NADK: variants seen among roughly 807,000 people sequenced by gnomAD.
NADK encodes the protein NAD kinase.
NADK carries 22 observed loss-of-function variants against 49.8 expected under a neutral mutation model. That is an observed-to-expected ratio of 0.44 (90% CI 0.32 to 0.63). The LOEUF (loss-of-function observed/expected upper bound fraction) is 0.63, where lower values mean the gene tolerates loss of function less well. NADK is among the 30% of genes least tolerant of loss of function. The pLI is 0.06. For missense variants in NADK, 438 were observed against 609.4 expected (o/e 0.72, Z 2.96); for synonymous variants, 268 against 253.7 (o/e 1.06, Z -0.54).
At chr1:1,755,502 A>G (rs779836297) in intron 6 of NADK, 26 bp from the exon 7 acceptor site, 2 of 1,582,292 alleles carry the variant, frequency 1.3e-6, no homozygotes, top group East Asian at 4.5e-5. Flanking sequence ...GAGGTCACTC[A>G]GTGCCCACGC....
At position 1,753,065 on chromosome 1, in the gene NADK, G is replaced by C; in HGVS notation, c.1185-5C>G. 1 of 1,606,726 alleles carries C rather than the reference G, an allele frequency of 6.2e-7. No homozygotes were observed. Among genetic ancestry groups the C allele is most frequent in the Admixed American group, 1.7e-5 (1 of 59,320 alleles). On this transcript the variant is annotated splice_polypyrimidine_tract_variant and splice_region_variant and intron_variant, in intron 11 of 11. Transcript: ENST00000341426. The stretch of plus-strand genomic sequence containing the variant: ...CATGAGGTAGTGATGCTGATGCTGG[G>C]ACGGGAGAGCAGCAGCCTGAGCCAG...
Position 1,752,801 on chromosome 1 carries a change from C to T in NADK, c.*103G>A. 1 of 1,360,884 alleles carries T rather than the reference C, an allele frequency of 7.3e-7. No individual in the cohort carries two copies. The highest frequency in any genetic ancestry group is 1.0e-6 in the Non-Finnish European group (1 of 988,874). 84.3% of individuals were successfully genotyped at this position (1,360,884 alleles called of 1,614,324 possible). A position where few individuals can be genotyped will look rare whatever the true frequency, so the allele number is the denominator to read the frequency against. On this transcript the variant is annotated 3_prime_UTR_variant, in exon 12 of 12. Coordinates refer to ENST00000341426, the MANE Select transcript of NADK (RefSeq NM_023018.5). ...TAACCCAGCTACAGAAAGGAAGTGGCCGTGCCACTGAGACAGGCGGTCACA... is the reference window on the plus strand; with the variant it reads ...TAACCCAGCTACAGAAAGGAAGTGGTCGTGCCACTGAGACAGGCGGTCACA...
intron 3 of NADK, chr1:1,759,951 G>A: frequency 6.5e-7 from 1 of 1,536,914 alleles, no homozygotes. Flanking sequence ...CGGGGGAGAG[G>A]CCCGGTGGGG....
At chr1:1,769,998 CAAAAACAAAAACA>C (rs1324049277) in intron 1 of NADK, among the ~76,000 whole-genome samples, 1 of 148,518 alleles carries the variant, frequency 6.7e-6, no homozygotes, top group Non-Finnish European at 1.5e-5. Flanking sequence ...AAAACAAAAA[CAAAAACAAAAACA>C]AAAAAATTAG....
chr1:1,766,037 G>A (rs762458938), intron 1 of NADK, among the ~76,000 whole-genome samples: 9 of 152,066 alleles, frequency 5.9e-5, no homozygotes, highest in Non-Finnish European at 1.2e-4. Context: ...GGAGGCTGGA[G>A]AGAAAGGATC....
chr1:1,757,146 G>GCCCCCCCCGCCCCCCTCCCCCCCCC, intron 4 of NADK, 35 bp downstream of exon 4: 1 of 1,524,056 alleles, frequency 6.6e-7, no homozygotes, highest in Non-Finnish European at 8.9e-7. Context: ...AACTCCATGT[G>GCCCCCCCCGCCCCCCTCCCCCCCCC]CACCCCAGGC....
Position 1,754,590 on chromosome 1 carries a change from G to T in NADK, c.797C>A (p.Ala266Asp). 6.2e-7 allele frequency: 1 copy of T among 1,613,568 alleles called. No homozygotes were observed. The highest frequency in any genetic ancestry group is 8.5e-7 in the Non-Finnish European group (1 of 1,179,848). ...CCCGACATCCATGTCCAGGCCTGCAGCCTGCGAGCCGTTCTCACCCAGCCC... is the reference window on the plus strand; with the variant it reads ...CCCGACATCCATGTCCAGGCCTGCATCCTGCGAGCCGTTCTCACCCAGCCC... ...HNGLGENGSQAAGLDMDVGKQ... is the reference protein window; with the variant it reads ...HNGLGENGSQDAGLDMDVGKQ... Residue 266 changes from alanine to aspartate, a missense_variant, in exon 8 of 12, where the codon GCT becomes GAT. Ala to Asp is a moderately radical substitution (Grantham distance 126, BLOSUM62 -2). Transcript: ENST00000341426. The surrounding 1 kb of genome is among the most constrained non-coding windows in gnomAD (Gnocchi z 4.3).
chr1:1,756,051 C>A (rs1645508998), intron 6 of NADK: 1 of 606,814 alleles, frequency 1.6e-6, no homozygotes, highest in Admixed American at 2.9e-5. Context: ...GCGCTGGCCA[C>A]CCCCAGCCGT....
rs761889720 is a variant in NADK, at chr1:1,762,043, G to C, written c.180-8C>G. ...TGAAGAGAGCGTGTCCTCCTGTGGG[G>C]AGAGGGCAGTGTCAGAGCCACCAGG... On this transcript the variant is annotated splice_region_variant and splice_polypyrimidine_tract_variant and intron_variant, in intron 2 of 11. Coordinates refer to ENST00000341426, the MANE Select transcript of NADK (RefSeq NM_023018.5). The C allele has an allele frequency of 9.3e-6, 15 of 1,613,522 alleles. No homozygotes were observed. The highest frequency in any genetic ancestry group is 1.3e-5 in the Non-Finnish European group (15 of 1,179,788).
chr1:1,759,775 G>C, intron 3 of NADK: 3 of 1,557,036 alleles, frequency 1.9e-6, no homozygotes, highest in Non-Finnish European at 2.6e-6. Flanking sequence ...GCAGCTCGGG[G>C]ACCACTGAGT....
chr1:1,757,366 G>A lies in NADK; in HGVS notation c.264-56C>T, dbSNP rs181153398. ...GCTGCGATCTCCCTCTTGCGGAAAA[G>A]GTGTATGACTTAGAAAATAAAAAAA... On this transcript the variant is annotated intron_variant, in intron 3 of 11. Coordinates refer to ENST00000341426, the MANE Select transcript of NADK (RefSeq NM_023018.5). 840 of 1,433,590 alleles carry A rather than the reference G, an allele frequency of 5.9e-4. 5 individuals carry two copies. The African/African-American group carries it at 0.011, about 18-fold the overall frequency. 88.8% of individuals were successfully genotyped at this position (1,433,590 alleles called of 1,614,324 possible). A position where few individuals can be genotyped will look rare whatever the true frequency, so the allele number is the denominator to read the frequency against.
At chr1:1,763,808 C>A (rs1316647461) in intron 2 of NADK, among the ~76,000 whole-genome samples, 8 of 152,038 alleles carry the variant, frequency 5.3e-5, no homozygotes, top group Admixed American at 5.2e-4. Context: ...ACCCTGAAGG[C>A]GCCTGTCACT....
intron 7 of NADK, among the ~76,000 whole-genome samples, chr1:1,755,164 C>G (rs1343860068): frequency 6.6e-6 from 1 of 152,216 alleles, no homozygotes; most frequent in East Asian, 1.9e-4. Flanking sequence ...CACTTCTGCC[C>G]AACACACATG....
At chr1:1,766,387 C>T (rs981942018) in intron 1 of NADK, among the ~76,000 whole-genome samples, 2 of 76,568 alleles carry the variant, frequency 2.6e-5, no homozygotes, top group African/African-American at 5.1e-5. Flanking sequence ...GCCTGGGCAA[C>T]AAGAACGAAA....
chr1:1,758,482 G>T (rs1645605195), intron 3 of NADK: 1 of 1,612,328 alleles, frequency 6.2e-7, no homozygotes, highest in African/African-American at 1.3e-5. Context: ...GAGCCGGCCA[G>T]TGTGTCCACA....
intron 2 of NADK, among the ~76,000 whole-genome samples, chr1:1,763,941 C>T (rs1390549908): frequency 1.3e-5 from 2 of 152,212 alleles, no homozygotes; most frequent in African/African-American, 2.4e-5. Flanking sequence ...ATTCTGTTCA[C>T]GCAGTCACTG....
chr1:1,773,676 TTGTGTGTGTGTG>T lies in NADK; in HGVS notation c.-41+4601_-41+4612del, dbSNP rs57063985. 9.1e-3 allele frequency among the ~76,000 whole-genome samples: 1,060 copies of T among 116,660 alleles called. 30 individuals are homozygous for T. The highest frequency in any genetic ancestry group is 0.021 in the African/African-American group (689 of 32,690). 76.5% of individuals were successfully genotyped at this position (116,660 alleles called of 152,430 possible). ...TGCTACATTACCTAGAAGCTCTATTTTGTGTGTGTGTGTGTGTGTGTGTGTGTGTGTGTGTGT... is the reference window on the plus strand; with the variant it reads ...TGCTACATTACCTAGAAGCTCTATTTTGTGTGTGTGTGTGTGTGTGTGTGT... On this transcript the variant is annotated intron_variant, in intron 1 of 11. Coordinates refer to ENST00000341426, the MANE Select transcript of NADK (RefSeq NM_023018.5).
At chr1:1,774,806 A>C (rs558690534) in intron 1 of NADK, among the ~76,000 whole-genome samples, 12 of 152,246 alleles carry the variant, frequency 7.9e-5, no homozygotes, top group Non-Finnish European at 1.8e-4. Context: ...GCATGAATCT[A>C]ATTTTAAAAA....
upstream of NADK, among the ~76,000 whole-genome samples, chr1:1,779,692 T>TAG (rs1646315730): frequency 1.3e-5 from 2 of 151,554 alleles, no homozygotes. Context: ...TGTGTGTGTG[T>TAG]AGAGATGAGG....
Sources: allele counts gnomAD v4.1 joint callset (sites outside exome capture counted in the v4.1 genomes callset), GRCh38; gene constraint gnomAD v4.1.1; non-coding constraint Gnocchi (gnomAD v3.1); transcripts MANE v1.5; gene names NCBI Gene and HGNC (gene_info 2026-07-23, HGNC 2026-07-21).